CDH9: variants seen among roughly 807,000 people sequenced by gnomAD.
The protein encoded by CDH9 is cadherin-9.
CDH9 carries 28 observed loss-of-function variants against 70.9 expected under a neutral mutation model. The ratio of observed to expected loss-of-function variants is 0.40; its 90% CI spans 0.29 to 0.54. CDH9 has a LOEUF of 0.54. CDH9 is among the 20% of genes least tolerant of loss of function. The pLI, the probability that CDH9 is intolerant of heterozygous loss-of-function variation, is 0.59. For synonymous variants in CDH9, 409 were observed against 343.1 expected, an observed-to-expected ratio of 1.19 and a Z score of -2.12; for missense variants, 874 against 984.4, an observed-to-expected ratio of 0.89 and a Z score of 1.50.
intron 2 of CDH9, among the ~76,000 whole-genome samples, chr5:26,939,920 C>T (rs923413388): frequency 2.0e-5 from 3 of 151,976 alleles, no homozygotes; most frequent in African/African-American, 7.2e-5. Flanking sequence ...GAGGCTGAGG[C>T]GACTGGATCA....
intron 3 of CDH9, among the ~76,000 whole-genome samples, chr5:26,912,644 C>T (rs1579679403): frequency 1.3e-5 from 2 of 151,902 alleles, no homozygotes; most frequent in South Asian, 2.1e-4. Flanking sequence ...TACTAATTTA[C>T]AGGAGTTACT....
chr5:26,916,797 G>T (rs911831729), intron 2 of CDH9, among the ~76,000 whole-genome samples: 1 of 151,846 alleles, frequency 6.6e-6, no homozygotes. Flanking sequence ...TTTTCTATAC[G>T]ACTCTGAGAG....
chr5:26,959,188 G>A (rs1741993367), intron 2 of CDH9, among the ~76,000 whole-genome samples: 1 of 152,006 alleles, frequency 6.6e-6, no homozygotes, highest in African/African-American at 2.4e-5. Context: ...TTATACAAAT[G>A]AATAAATGGC....
chr5:26,951,451 CT>C (rs1247957069), intron 2 of CDH9, among the ~76,000 whole-genome samples: 1 of 151,972 alleles, frequency 6.6e-6, no homozygotes, highest in East Asian at 1.9e-4. Flanking sequence ...TTTAGGGTTG[CT>C]TTTGATAATT....
At chr5:26,933,776 CAAAATAAAATAAAAT>C (rs35458909) in intron 2 of CDH9, among the ~76,000 whole-genome samples, 20 of 147,320 alleles carry the variant, frequency 1.4e-4, no homozygotes, top group Non-Finnish European at 2.2e-4. Context: ...AAGACTCCGT[CAAAATAAAATAAAAT>C]AAAATAAAAT....
intron 1 of CDH9, among the ~76,000 whole-genome samples, chr5:27,006,030 T>A (rs990612287): frequency 2.6e-5 from 4 of 151,888 alleles, no homozygotes; most frequent in African/African-American, 9.7e-5. Context: ...AGGTGGAGGC[T>A]GGAAGGAGGG....
chr5:26,911,661 G>A (rs1230103264), intron 3 of CDH9, among the ~76,000 whole-genome samples: 2 of 86,724 alleles, frequency 2.3e-5, no homozygotes, highest in Non-Finnish European at 4.9e-5. Flanking sequence ...TATCAATAGT[G>A]TAATGATCAC....
At chr5:26,942,151 A>G (rs577503617) in intron 2 of CDH9, among the ~76,000 whole-genome samples, 16 of 152,338 alleles carry the variant, frequency 1.1e-4, no homozygotes, top group Non-Finnish European at 2.4e-4. Context: ...GGAAGCAAAC[A>G]CATCCTTATT....
At chr5:26,901,778 A>T (rs1740858565) in intron 7 of CDH9, among the ~76,000 whole-genome samples, 1 of 151,872 alleles carries the variant, frequency 6.6e-6, no homozygotes, top group Admixed American at 6.6e-5. Context: ...AGATTCATTT[A>T]TATTTCTGAC....
rs62346381 is a variant in CDH9 at position 26,887,275 on chromosome 5, C to T, written c.1513-1192G>A. Among the ~76,000 whole-genome samples the T allele has an allele frequency of 1.9e-3, 285 of 151,738 alleles. 2 individuals carry two copies. Among genetic ancestry groups the T allele is most frequent in the South Asian group, 5.2e-3 (25 of 4,802 alleles). ...TGCTCAACCTTCTGTTCCTACATAGCAATAACAAATCTAACTTTTAGTAAT... is the reference window on the plus strand; with the variant it reads ...TGCTCAACCTTCTGTTCCTACATAGTAATAACAAATCTAACTTTTAGTAAT... On this transcript the variant is annotated intron_variant, in intron 9 of 11. Coordinates refer to ENST00000231021, the MANE Select transcript of CDH9 (RefSeq NM_016279.4).
chr5:26,984,786 C>T (rs960892516), intron 2 of CDH9, among the ~76,000 whole-genome samples: 9 of 152,050 alleles, frequency 5.9e-5, no homozygotes, highest in East Asian at 3.8e-4. Context: ...TACAACATTT[C>T]GCTTATTACA....
intron 2 of CDH9, among the ~76,000 whole-genome samples, chr5:26,962,063 G>A (rs1293108615): frequency 6.6e-6 from 1 of 152,146 alleles, no homozygotes; most frequent in Non-Finnish European, 1.5e-5. Flanking sequence ...ACTTTTGAGT[G>A]AGAACATGCG....
chr5:26,965,738 G>A (rs568032845), intron 2 of CDH9, among the ~76,000 whole-genome samples: 2 of 151,902 alleles, frequency 1.3e-5, no homozygotes, highest in Non-Finnish European at 2.9e-5. Context: ...AAGAAATGAA[G>A]AACACAGAGT....
At chr5:27,036,347 A>G (rs1426452532) in intron 1 of CDH9, among the ~76,000 whole-genome samples, 1 of 151,952 alleles carries the variant, frequency 6.6e-6, no homozygotes, top group Non-Finnish European at 1.5e-5. Context: ...TTCTGATTCA[A>G]CACACGATTT....
intron 6 of CDH9, 64 bp from the exon 7 acceptor site, chr5:26,902,793 T>C: frequency 1.0e-6 from 1 of 953,484 alleles, no homozygotes; most frequent in South Asian, 1.6e-5. Context: ...AAAGACGATT[T>C]CAAATTTTAA....
At chr5:26,999,469 A>G (rs1234621576) in intron 1 of CDH9, among the ~76,000 whole-genome samples, 1 of 152,144 alleles carries the variant, frequency 6.6e-6, no homozygotes, top group Non-Finnish European at 1.5e-5. Context: ...AAAGCAAAAT[A>G]ATTTCCAAAC....
intron 2 of CDH9, among the ~76,000 whole-genome samples, chr5:26,944,483 C>T (rs1741713967): frequency 6.6e-6 from 1 of 151,836 alleles, no homozygotes; most frequent in African/African-American, 2.4e-5. Context: ...GACCCCGTTT[C>T]CCCCCAAACT....
intron 2 of CDH9, among the ~76,000 whole-genome samples, chr5:26,979,845 G>A (rs1408989008): frequency 4.0e-5 from 6 of 151,682 alleles, no homozygotes; most frequent in African/African-American, 1.5e-4. Context: ...TATAAAGAAA[G>A]ATCATTAGAT....
chr5:26,980,548 C>G (rs1176710023), intron 2 of CDH9, among the ~76,000 whole-genome samples: 1 of 151,938 alleles, frequency 6.6e-6, no homozygotes, highest in South Asian at 2.1e-4. Context: ...CTCTTAATAT[C>G]AGTTATTAGG....
Sources: gnomAD v4.1 joint callset for allele counts (sites outside exome capture counted in the v4.1 genomes callset) on GRCh38, gnomAD v4.1.1 for gene constraint, MANE v1.5 for transcripts, NCBI Gene and HGNC (gene_info 2026-07-23, HGNC 2026-07-21) for gene names.